Variants in COL4A4 observed in about 807,000 individuals in gnomAD.
The protein encoded by COL4A4 is collagen type IV alpha 4 chain.
COL4A4 carries 105 observed loss-of-function variants against 192.9 expected under a neutral mutation model. The ratio of observed to expected loss-of-function variants is 0.54; its 90% CI spans 0.46 to 0.64. COL4A4 has a LOEUF of 0.64. COL4A4 is among the 30% of genes least tolerant of loss of function. COL4A4 has a pLI of 0.00. For synonymous variants in COL4A4, 762 were observed against 769.9 expected (o/e 0.99, Z 0.17); for missense variants, 1,967 against 2,169.3 (o/e 0.91, Z 1.85).
At chr2:227,041,848 G>GAAAGAGAGAGAAAGAA (rs1243663359) in intron 37 of COL4A4, among the ~76,000 whole-genome samples, 1 of 38,692 alleles carries the variant, frequency 2.6e-5, no homozygotes, top group South Asian at 9.4e-4. Context: ...AAGAAAGAAA[G>GAAAGAGAGAGAAAGAA]AGAAAGAAAG....
intron 46 of COL4A4, among the ~76,000 whole-genome samples, chr2:227,008,748 T>A (rs1962786814): frequency 6.6e-6 from 1 of 152,208 alleles, no homozygotes; most frequent in African/African-American, 2.4e-5. Context: ...TGGTAGTGAC[T>A]ACTCAAAAGA....
At position 227,003,396 on chromosome 2, in the gene COL4A4, C is replaced by T. The variant is rs1393097932; in HGVS notation, c.*3929G>A. ...AATGAAGCTAAGAAAGTTGGCAAAACTCACCCAGGATAACAGCTGAAAAAT... is the reference window on the plus strand; with the variant it reads ...AATGAAGCTAAGAAAGTTGGCAAAATTCACCCAGGATAACAGCTGAAAAAT... On this transcript the variant is annotated 3_prime_UTR_variant, in exon 48 of 48. Coordinates refer to ENST00000396625, the MANE Select transcript of COL4A4 (RefSeq NM_000092.5). 6.6e-6 allele frequency: 1 copy of T among 152,168 alleles called. No individual in the cohort carries two copies. Among genetic ancestry groups the T allele is most frequent in the Non-Finnish European group, 1.5e-5 (1 of 68,028 alleles). 9.4% of individuals were successfully genotyped at this position (152,168 alleles called of 1,614,324 possible). A position where few individuals can be genotyped will look rare whatever the true frequency, so the allele number is the denominator to read the frequency against.
chr2:226,974,125 A>G, the COL4A4 span, among the ~76,000 whole-genome samples: 108 of 152,344 alleles, frequency 7.1e-4, no homozygotes, highest in African/African-American at 2.4e-3. Context: ...CTTCAAAGAA[A>G]TAATTAGCAT....
chr2:227,136,009 C>A (rs2062790158), intron 4 of COL4A4, among the ~76,000 whole-genome samples: 1 of 151,072 alleles, frequency 6.6e-6, no homozygotes, highest in Non-Finnish European at 1.5e-5. Context: ...CTGTGATAAT[C>A]TCAAAGTACA....
intron 4 of COL4A4, among the ~76,000 whole-genome samples, chr2:227,139,760 A>G (rs1386646789): frequency 6.6e-6 from 1 of 152,208 alleles, no homozygotes; most frequent in Non-Finnish European, 1.5e-5. Flanking sequence ...AATAGCGACA[A>G]TCCAAGAAAG....
chr2:227,093,975 T>A (rs2060074394), intron 20 of COL4A4, 150 bp downstream of exon 20: 1 of 679,418 alleles, frequency 1.5e-6, no homozygotes, highest in East Asian at 2.8e-5. Flanking sequence ...AAAGTCCAAC[T>A]TCAGTTTATT....
chr2:227,065,409 C>T (rs1405920549), intron 25 of COL4A4, among the ~76,000 whole-genome samples: 1 of 152,252 alleles, frequency 6.6e-6, no homozygotes, highest in Non-Finnish European at 1.5e-5. Context: ...CCTCTGTAGG[C>T]TCCACCTCTG....
In COL4A4 at chr2:227,032,069, T is replaced by C; in HGVS notation, c.3707-14A>G. On this transcript the variant is annotated splice_polypyrimidine_tract_variant and intron_variant, in intron 39 of 47. Transcript: ENST00000396625. ...GTCCTGAACTCCCTAAGAAGAGACA[T>C]GTTCACATGTTATCCTCATTGCATT... 1 of 1,613,844 alleles carries C rather than the reference T, an allele frequency of 6.2e-7. No individual in the cohort carries two copies. Among genetic ancestry groups the C allele is most frequent in the Non-Finnish European group, 8.5e-7 (1 of 1,179,788 alleles).
At chr2:227,149,590 G>GA (rs1310177305) in intron 1 of COL4A4, among the ~76,000 whole-genome samples, 1 of 152,084 alleles carries the variant, frequency 6.6e-6, no homozygotes, top group Non-Finnish European at 1.5e-5. Flanking sequence ...GTTTTGGAAG[G>GA]AAAACGCAAA....
In COL4A4 at chr2:227,027,994, G is replaced by A. The variant is rs201578201; in HGVS notation, c.3989C>T (p.Pro1330Leu). 4.9e-4 allele frequency: 791 copies of A among 1,611,058 alleles called. 5 individuals carry two copies. Among genetic ancestry groups the A allele is most frequent in the Admixed American group, 1.0e-4 (6 of 59,732 alleles). ...KDGQKGPVGF[P>L]GPQGPHGFPG... is the part of the protein sequence containing the mutation. ...AAATCCATGTGGTCCCTGCGGTCCC[G>A]GGAATCCCACTGGTCCTTAAAAAAA... Residue 1330 changes from proline (P) to leucine (L), a missense_variant, in exon 42 of 48, where the codon CCG becomes CTG. By Grantham distance (98) the Pro-to-Leu change is moderately conservative. Coordinates refer to ENST00000396625, the MANE Select transcript of COL4A4 (RefSeq NM_000092.5).
At chr2:227,151,143 C>A (rs9636345) in intron 1 of COL4A4, among the ~76,000 whole-genome samples, 76,149 of 151,892 alleles carry the variant, frequency 0.5, 19,384 homozygotes, top group South Asian at 0.6. Context: ...ATTCATATTT[C>A]CATTCCATTC....
chr2:226,979,931 G>T, the COL4A4 span, among the ~76,000 whole-genome samples: 1 of 152,178 alleles, frequency 6.6e-6, no homozygotes, highest in African/African-American at 2.4e-5. Flanking sequence ...ACAAATTTGG[G>T]AATGTTCAGG....
At chr2:227,045,849 C>G (rs58476785) in intron 35 of COL4A4, among the ~76,000 whole-genome samples, 3,390 of 43,730 alleles carry the variant, frequency 0.078, 682 homozygotes, top group South Asian at 0.15. Context: ...TATATATATA[C>G]ACATATATAT....
At chr2:226,988,050 G>A in the COL4A4 span, among the ~76,000 whole-genome samples, 2 of 152,208 alleles carry the variant, frequency 1.3e-5, no homozygotes, top group African/African-American at 4.8e-5. Context: ...CTCTTAGGAT[G>A]AAAGTCATAG....
At chr2:226,984,236 G>A in the COL4A4 span, among the ~76,000 whole-genome samples, 1 of 152,208 alleles carries the variant, frequency 6.6e-6, no homozygotes, top group African/African-American at 2.4e-5. Flanking sequence ...GTCAGTTTAG[G>A]CCACCTTAAC....
Position 227,003,275 on chromosome 2 carries a change from C to G in COL4A4, c.*4050G>C, listed in dbSNP as rs905102449. 3 of 151,820 alleles carry G rather than the reference C, an allele frequency of 2.0e-5. No homozygotes were observed. The highest frequency in any genetic ancestry group is 7.3e-5 in the African/African-American group (3 of 41,292). 9.4% of individuals were successfully genotyped at this position (151,820 alleles called of 1,614,324 possible). ...GTTTATTTTAAATACAAAATGTGAC[C>G]ATAGTAAGTGTATGATGATGGGTAT... On this transcript the variant is annotated 3_prime_UTR_variant, in exon 48 of 48. Coordinates refer to ENST00000396625, the MANE Select transcript of COL4A4 (RefSeq NM_000092.5).
intron 1 of COL4A4, among the ~76,000 whole-genome samples, chr2:227,148,041 A>G (rs2063665434): frequency 6.6e-6 from 1 of 152,142 alleles, no homozygotes; most frequent in African/African-American, 2.4e-5. Flanking sequence ...CAGCAAATAC[A>G]TATAAAAGTA....
chr2:227,149,341 G>C (rs1376179178), intron 1 of COL4A4, among the ~76,000 whole-genome samples: 1 of 152,096 alleles, frequency 6.6e-6, no homozygotes, highest in Non-Finnish European at 1.5e-5. Flanking sequence ...ATTTGTTTTA[G>C]TTATAAACTC....
chr2:227,060,069 T>A, intron 27 of COL4A4, 67 bp downstream of exon 27: 1 of 974,458 alleles, frequency 1.0e-6, no homozygotes, highest in Non-Finnish European at 1.5e-6. Flanking sequence ...GGTAGAAATG[T>A]TAAAAAGTTC....
Sources: allele counts gnomAD v4.1 joint callset (sites outside exome capture counted in the v4.1 genomes callset), GRCh38; gene constraint gnomAD v4.1.1; transcripts MANE v1.5; gene names NCBI Gene and HGNC (gene_info 2026-07-23, HGNC 2026-07-21).